Variants in RIT2 observed in about 807,000 individuals in gnomAD.
RIT2 encodes GTP-binding protein Rit2.
In RIT2, 24 loss-of-function variants were observed where a neutral mutation model predicts 23.7. The observed-to-expected ratio is 1.01, with a 90% CI of 0.73 to 1.43. The LOEUF is 1.43. RIT2 is among the 40% of genes most tolerant of loss of function. The pLI is 0.00. For missense variants in RIT2, 236 were observed against 266.9 expected, an observed-to-expected ratio of 0.88 and a Z score of 0.81; for synonymous variants, 107 against 91.1, an observed-to-expected ratio of 1.17 and a Z score of -0.99.
At chr18:43,084,107 T>C (rs898561533) in intron 1 of RIT2, among the ~76,000 whole-genome samples, 3 of 152,166 alleles carry the variant, frequency 2.0e-5, no homozygotes, top group Non-Finnish European at 4.4e-5. Flanking sequence ...AAAAAGACAT[T>C]TATGCAGTCA....
intron 3 of RIT2, among the ~76,000 whole-genome samples, chr18:42,931,713 AC>A: frequency 6.6e-6 from 1 of 152,188 alleles, no homozygotes; most frequent in Non-Finnish European, 1.5e-5. Context: ...TGCCGATAAA[AC>A]CTACAGGAAT....
intron 1 of RIT2, among the ~76,000 whole-genome samples, chr18:43,074,067 G>A (rs1912957278): frequency 6.6e-6 from 1 of 152,048 alleles, no homozygotes; most frequent in Non-Finnish European, 1.5e-5. Context: ...AAATTATATT[G>A]CTTCAGAAAC....
At chr18:43,069,830 G>T (rs566735688) in intron 1 of RIT2, among the ~76,000 whole-genome samples, 1 of 152,016 alleles carries the variant, frequency 6.6e-6, no homozygotes, top group East Asian at 1.9e-4. Flanking sequence ...ACTTCCTTCA[G>T]TTCTCAGCAC....
intron 4 of RIT2, among the ~76,000 whole-genome samples, chr18:42,819,365 T>C (rs1225533972): frequency 6.6e-6 from 1 of 152,070 alleles, no homozygotes; most frequent in Non-Finnish European, 1.5e-5. Flanking sequence ...GTAAGGGATA[T>C]GTCAAACATA....
chr18:42,860,460 A>T (rs774830223), intron 4 of RIT2, among the ~76,000 whole-genome samples: 1 of 152,092 alleles, frequency 6.6e-6, no homozygotes, highest in Non-Finnish European at 1.5e-5. Context: ...GATTTTAATA[A>T]TTTTTTCCAG....
chr18:42,784,026 A>T (rs77174791), intron 4 of RIT2, among the ~76,000 whole-genome samples: 2,268 of 152,188 alleles, frequency 0.015, 62 homozygotes, highest in African/African-American at 0.053. Context: ...TCAAAGAATT[A>T]ACAATGGCAA....
At chr18:42,905,805 G>T (rs1301368427) in intron 4 of RIT2, among the ~76,000 whole-genome samples, 3 of 150,894 alleles carry the variant, frequency 2.0e-5, no homozygotes, top group Non-Finnish European at 2.9e-5. Context: ...GGCTATATCT[G>T]CTCTAAAAGG....
At chr18:43,110,361 T>C in intron 1 of RIT2, among the ~76,000 whole-genome samples, 1 of 152,146 alleles carries the variant, frequency 6.6e-6, no homozygotes, top group East Asian at 1.9e-4. Flanking sequence ...AAATAAGATA[T>C]TATTTTTATT....
At chr18:42,992,594 C>T (rs9954167) in intron 2 of RIT2, among the ~76,000 whole-genome samples, 12,810 of 152,126 alleles carry the variant, frequency 0.084, 779 homozygotes, top group East Asian at 0.24. Flanking sequence ...CGATCCTCCA[C>T]CCTATAATCC....
intron 4 of RIT2, among the ~76,000 whole-genome samples, chr18:42,863,064 T>C (rs1282131185): frequency 2.0e-5 from 3 of 152,002 alleles, no homozygotes; most frequent in Non-Finnish European, 4.4e-5. Flanking sequence ...TTCACTGTTG[T>C]ACCTCCAACA....
intron 4 of RIT2, among the ~76,000 whole-genome samples, chr18:42,853,669 T>C (rs1907113051): frequency 6.6e-6 from 1 of 152,204 alleles, no homozygotes. Flanking sequence ...TATCTCAGAA[T>C]CTGAGGATTT....
At chr18:42,861,476 T>C (rs1289633622) in intron 4 of RIT2, among the ~76,000 whole-genome samples, 3 of 152,202 alleles carry the variant, frequency 2.0e-5, no homozygotes, top group African/African-American at 7.2e-5. Flanking sequence ...CATTGGGTAC[T>C]TATTTCAGAC....
chr18:43,017,046 T>C (rs1911491007), intron 2 of RIT2, among the ~76,000 whole-genome samples: 1 of 152,026 alleles, frequency 6.6e-6, no homozygotes, highest in African/African-American at 2.4e-5. Flanking sequence ...GATCCTAGTT[T>C]TACCAACTTC....
chr18:43,083,615 A>G (rs1913210845), intron 1 of RIT2, among the ~76,000 whole-genome samples: 1 of 152,092 alleles, frequency 6.6e-6, no homozygotes, highest in South Asian at 2.1e-4. Context: ...ACCTGACAAA[A>G]ACAAACAAGC....
Position 42,743,505 on chromosome 18 carries a change from T to G in RIT2, c.642A>C (p.Glu214Asp). ...KLKGSLKKKR[E>D]NMT ...AAAAGCAAAGATATCATGTCATATT[T>G]TCTCTCTTCTTCTTCAAAGAACCTT... Residue 214 changes from glutamate to aspartate, a missense_variant, in exon 5 of 5, where the codon GAA becomes GAC. By Grantham distance (45) the Glu-to-Asp change is conservative. Coordinates refer to ENST00000326695, the MANE Select transcript of RIT2 (RefSeq NM_002930.4). 1.2e-6 allele frequency: 2 copies of G among 1,611,312 alleles called. No individual in the cohort carries two copies. The highest frequency in any genetic ancestry group is 1.7e-6 in the Non-Finnish European group (2 of 1,177,794).
chr18:43,074,384 G>T (rs1302294449), intron 1 of RIT2, among the ~76,000 whole-genome samples: 3 of 152,064 alleles, frequency 2.0e-5, no homozygotes, highest in South Asian at 2.1e-4. Flanking sequence ...CTGTACAAAT[G>T]GTTCTGTAAC....
chr18:42,814,454 A>T (rs1329960579), intron 4 of RIT2, among the ~76,000 whole-genome samples: 2 of 151,960 alleles, frequency 1.3e-5, no homozygotes, highest in Non-Finnish European at 2.9e-5. Flanking sequence ...GCTTTCCCCC[A>T]CTTCCCTGAC....
At chr18:42,959,151 C>T (rs1025793412) in intron 3 of RIT2, among the ~76,000 whole-genome samples, 1 of 152,154 alleles carries the variant, frequency 6.6e-6, no homozygotes, top group Non-Finnish European at 1.5e-5. Context: ...TTTCTTGTGT[C>T]CAGCTTCATA....
Position 42,743,597 on chromosome 18 carries a change from T to A in RIT2, c.550A>T (p.Lys184Ter). 1.2e-6 allele frequency: 2 copies of A among 1,614,036 alleles called. No individual in the cohort carries two copies. The highest frequency in any genetic ancestry group is 1.7e-6 in the Non-Finnish European group (2 of 1,179,948). Reference sequence around the variant, plus strand: ...TCCATCAAGGATGGCATGGACTCCTTCTTGCGAATTTCCCTCACTAAGCCA... The same window carrying A: ...TCCATCAAGGATGGCATGGACTCCTACTTGCGAATTTCCCTCACTAAGCCA... The part of the protein sequence containing the change: ...FHGLVREIRK[K>*]ESMPSLMEKK... Residue 184 changes from lysine (K) to a stop codon, truncating the protein, a stop_gained, in exon 5 of 5, where the codon AAG (lysine) becomes TAG (stop). Coordinates refer to ENST00000326695, the MANE Select transcript of RIT2 (RefSeq NM_002930.4). LOFTEE classifies it high-confidence loss of function.
Sources: allele counts gnomAD v4.1 joint callset (sites outside exome capture counted in the v4.1 genomes callset), GRCh38; gene constraint gnomAD v4.1.1; transcripts MANE v1.5; gene names NCBI Gene and HGNC (gene_info 2026-07-23, HGNC 2026-07-21).